ADAMTS6: variants seen among roughly 807,000 people sequenced by gnomAD.
ADAMTS6 encodes ADAM metallopeptidase with thrombospondin type 1 motif 6.
Under a neutral mutation model 144.3 loss-of-function variants are expected in ADAMTS6, and 23 were observed. The ratio of observed to expected loss-of-function variants is 0.16; its 90% CI spans 0.11 to 0.23. The LOEUF (loss-of-function observed/expected upper bound fraction) is 0.23. Ranked by LOEUF, ADAMTS6 falls within the 10% of genes least tolerant of loss-of-function variation. ADAMTS6 has a pLI of 1.00. For missense variants in ADAMTS6, 999 were observed against 1,379.6 expected, an observed-to-expected ratio of 0.72 and a Z score of 4.37; for synonymous variants, 444 against 457.5, an observed-to-expected ratio of 0.97 and a Z score of 0.38.
chr5:65,284,159 G>T (rs1254220133), intron 11 of ADAMTS6, among the ~76,000 whole-genome samples: 1 of 151,954 alleles, frequency 6.6e-6, no homozygotes, highest in Non-Finnish European at 1.5e-5. Flanking sequence ...TTTTTTAATT[G>T]GTGGTGATAA....
intron 12 of ADAMTS6, among the ~76,000 whole-genome samples, chr5:65,272,659 C>T: frequency 6.6e-6 from 1 of 152,030 alleles, no homozygotes; most frequent in East Asian, 1.9e-4. Flanking sequence ...GTAGCTCATG[C>T]CTATAGTCCC....
At position 65,460,207 on chromosome 5, in the gene ADAMTS6, T is replaced by C. The variant is rs752030900; in HGVS notation, c.594A>G (p.Gln198=). 1 of 1,614,052 alleles carries C rather than the reference T, an allele frequency of 6.2e-7. No individual in the cohort carries two copies. The highest frequency in any genetic ancestry group is 1.3e-5 in the African/African-American group (1 of 75,042). ...HVIYKKSALQ[Q]RHLYDHSHCG... Reference sequence around the variant, plus strand: ...AATGAGAGTGATCATACAGATGTCGTTGTTGAAGGGCAGACTTTTTGTAAA... The same window carrying C: ...AATGAGAGTGATCATACAGATGTCGCTGTTGAAGGGCAGACTTTTTGTAAA... The change falls in exon 4 of 25, where the codon CAA becomes CAG. Residue 198 remains glutamine (Q), a synonymous_variant. Transcript: ENST00000381055.
At chr5:65,177,038 T>C (rs1267295240) in intron 22 of ADAMTS6, among the ~76,000 whole-genome samples, 1 of 152,090 alleles carries the variant, frequency 6.6e-6, no homozygotes, top group African/African-American at 2.4e-5. Context: ...CCCTAGAATT[T>C]CCAGTAAACC....
intron 14 of ADAMTS6, among the ~76,000 whole-genome samples, chr5:65,255,372 C>T (rs150980351): frequency 7.6e-4 from 115 of 152,198 alleles, no homozygotes; most frequent in Non-Finnish European, 1.4e-3. Flanking sequence ...GCGGACACTG[C>T]ACCCAGTGTG....
At chr5:65,190,497 A>G (rs2112188458) in intron 21 of ADAMTS6, among the ~76,000 whole-genome samples, 1 of 152,296 alleles carries the variant, frequency 6.6e-6, no homozygotes, top group Admixed American at 6.5e-5. Flanking sequence ...TGTGTATTAC[A>G]GTCACAAAAA....
At chr5:65,473,456 G>T (rs1218406663) in intron 2 of ADAMTS6, 121 bp downstream of exon 2, 3 of 747,878 alleles carry the variant, frequency 4.0e-6, no homozygotes, top group East Asian at 4.9e-5. Context: ...GACACAGTAG[G>T]CCTCTATTCC....
rs1752001213 is a variant in ADAMTS6, at chr5:65,149,132, T to C, written c.*2704A>G. 1 of 152,606 alleles carries C rather than the reference T, an allele frequency of 6.6e-6. No individual in the cohort carries two copies. Among genetic ancestry groups the C allele is most frequent in the East Asian group, 1.9e-4 (1 of 5,204 alleles). The allele number at this position is 152,606 out of a possible 1,614,324, so 9.5% of individuals were successfully genotyped here. A position where few individuals can be genotyped will look rare whatever the true frequency, so the allele number is the denominator to read the frequency against. On this transcript the variant is annotated 3_prime_UTR_variant, in exon 25 of 25. Transcript: ENST00000381055. Reference sequence around the variant, plus strand: ...ATTAGGGTACATTTACCGTTCCTTTTTTAGTAGGACTTTATCCCAGTGGCA... The same window carrying C: ...ATTAGGGTACATTTACCGTTCCTTTCTTAGTAGGACTTTATCCCAGTGGCA...
In ADAMTS6 at chr5:65,295,640, C is replaced by A. The variant is rs558720657; in HGVS notation, c.1371-4170G>T. Among the ~76,000 whole-genome samples, 137 of 152,132 alleles carry A rather than the reference C, an allele frequency of 9.0e-4. 1 individual carries two copies. The highest frequency in any genetic ancestry group is 6.4e-3 in the South Asian group (31 of 4,824). Reference sequence around the variant, plus strand: ...AGTAGACCTGTGATTATTTCCCTAGCAGCATATAATCACAACTAAAAACCC... The same window carrying A: ...AGTAGACCTGTGATTATTTCCCTAGAAGCATATAATCACAACTAAAAACCC... On this transcript the variant is annotated intron_variant, in intron 10 of 24. Transcript: ENST00000381055.
At chr5:65,343,437 T>C (rs781294156) in intron 7 of ADAMTS6, among the ~76,000 whole-genome samples, 6 of 151,922 alleles carry the variant, frequency 3.9e-5, no homozygotes, top group African/African-American at 1.4e-4. Flanking sequence ...AGAACACTCA[T>C]TGGGCAAAGG....
Position 65,299,969 on chromosome 5 carries a change from T to C in ADAMTS6, c.1370+16A>G. 4 of 1,610,862 alleles carry C rather than the reference T, an allele frequency of 2.5e-6. No homozygotes were observed. The highest frequency in any genetic ancestry group is 3.4e-6 in the Non-Finnish European group (4 of 1,178,564). ...CTTCTGGAGCTATTTATCATCACTC[T>C]CCAGAGATTACTTACTCTAGAAAGC... On this transcript the variant is annotated intron_variant, in intron 10 of 24. Transcript: ENST00000381055.
chr5:65,245,029 G>C (rs1426795534), intron 14 of ADAMTS6, among the ~76,000 whole-genome samples: 1 of 152,130 alleles, frequency 6.6e-6, no homozygotes, highest in Non-Finnish European at 1.5e-5. Flanking sequence ...TCACGGCCTT[G>C]AGAAATTTAC....
At chr5:65,301,500 T>C (rs1338307621) in intron 9 of ADAMTS6, among the ~76,000 whole-genome samples, 1 of 152,158 alleles carries the variant, frequency 6.6e-6, no homozygotes, top group African/African-American at 2.4e-5. Flanking sequence ...CTTGGCAGCA[T>C]AGAAACAGGG....
intron 7 of ADAMTS6, among the ~76,000 whole-genome samples, chr5:65,394,584 C>T (rs1241129630): frequency 6.6e-6 from 1 of 152,140 alleles, no homozygotes; most frequent in African/African-American, 2.4e-5. Flanking sequence ...AGGAGGATTG[C>T]TCAAGTAGGG....
At chr5:65,283,386 CT>C (rs1763131300) in intron 11 of ADAMTS6, among the ~76,000 whole-genome samples, 1 of 151,742 alleles carries the variant, frequency 6.6e-6, no homozygotes, top group South Asian at 2.1e-4. Context: ...TAAAAAAACC[CT>C]TAATCCACAA....
At chr5:65,346,843 C>T (rs1229578569) in intron 7 of ADAMTS6, among the ~76,000 whole-genome samples, 2 of 151,012 alleles carry the variant, frequency 1.3e-5, no homozygotes, top group Admixed American at 6.6e-5. Context: ...AACATAAATT[C>T]GGTAAATACG....
intron 1 of ADAMTS6, among the ~76,000 whole-genome samples, chr5:65,479,362 A>C (rs556955517): frequency 1.5e-4 from 23 of 152,216 alleles, no homozygotes; most frequent in Non-Finnish European, 2.4e-4. Flanking sequence ...TACCCAAAAC[A>C]TATCTATCAA....
At chr5:65,378,277 C>T (rs1466607226) in intron 7 of ADAMTS6, among the ~76,000 whole-genome samples, 1 of 152,102 alleles carries the variant, frequency 6.6e-6, no homozygotes. Flanking sequence ...TTTTTCTTCC[C>T]TTTCATTCTT....
At chr5:65,256,526 TTA>T (rs1269301996) in intron 14 of ADAMTS6, 1 of 152,172 alleles carries the variant, frequency 6.6e-6, no homozygotes, top group Non-Finnish European at 1.5e-5. Flanking sequence ...CATAATATAG[TTA>T]TGTTAACTGT....
intron 7 of ADAMTS6, among the ~76,000 whole-genome samples, chr5:65,356,135 T>A (rs1440688296): frequency 2.6e-5 from 4 of 151,814 alleles, no homozygotes; most frequent in Admixed American, 2.6e-4. Flanking sequence ...AAAAAAATGT[T>A]CCCCATTTTG....
Sources: allele counts gnomAD v4.1 joint callset (sites outside exome capture counted in the v4.1 genomes callset), GRCh38; gene constraint gnomAD v4.1.1; transcripts MANE v1.5; gene names NCBI Gene and HGNC (gene_info 2026-07-23, HGNC 2026-07-21).